Variants in C1QTNF3 observed in about 807,000 individuals in gnomAD.
C1QTNF3 encodes complement C1q tumor necrosis factor-related protein 3.
C1QTNF3 carries 26 observed loss-of-function variants against 32.6 expected under a neutral mutation model. That is an observed-to-expected ratio of 0.80 (90% CI 0.58 to 1.11). The LOEUF (loss-of-function observed/expected upper bound fraction) is 1.11. Ranked by LOEUF, C1QTNF3 falls within the 50% of genes least tolerant of loss-of-function variation. The pLI is 0.00. For missense variants in C1QTNF3, 362 were observed against 398.2 expected (o/e 0.91, Z 0.77); for synonymous variants, 155 against 146.0 (o/e 1.06, Z -0.44).
the C1QTNF3 span, among the ~76,000 whole-genome samples, chr5:34,163,991 A>G: frequency 1.3e-5 from 2 of 152,220 alleles, no homozygotes; most frequent in Non-Finnish European, 1.5e-5. Flanking sequence ...ATATAAAATA[A>G]TATCTACCAT....
chr5:34,196,860 C>T, the C1QTNF3 span, among the ~76,000 whole-genome samples: 1 of 152,300 alleles, frequency 6.6e-6, no homozygotes, highest in Non-Finnish European at 1.5e-5. Flanking sequence ...TGGGGTTTCA[C>T]CGTCTTAGTA....
At chr5:34,175,232 T>TG in the C1QTNF3 span, among the ~76,000 whole-genome samples, 1 of 151,526 alleles carries the variant, frequency 6.6e-6, no homozygotes, top group African/African-American at 2.4e-5. Flanking sequence ...TTTGTAGAGA[T>TG]GGGGGTCCTC....
chr5:34,230,979 C>T, the C1QTNF3 span, among the ~76,000 whole-genome samples: 6 of 152,040 alleles, frequency 3.9e-5, no homozygotes, highest in Non-Finnish European at 5.9e-5. Flanking sequence ...ACTATCTAAA[C>T]TATTATGCTC....
intron 1 of C1QTNF3, among the ~76,000 whole-genome samples, chr5:34,040,669 A>C (rs1359523731): frequency 6.6e-6 from 1 of 152,072 alleles, no homozygotes; most frequent in African/African-American, 2.4e-5. Flanking sequence ...GCAAAATCTA[A>C]GCTCCTAAAC....
chr5:34,163,740 G>A, the C1QTNF3 span, among the ~76,000 whole-genome samples: 5 of 152,024 alleles, frequency 3.3e-5, no homozygotes, highest in African/African-American at 1.2e-4. Context: ...ATTATTATAT[G>A]CATTCATTCT....
chr5:34,068,830 T>A, the C1QTNF3 span, among the ~76,000 whole-genome samples: 3 of 152,168 alleles, frequency 2.0e-5, no homozygotes, highest in African/African-American at 7.2e-5. Flanking sequence ...CTTGGCAACA[T>A]AGGTATGTCC....
the C1QTNF3 span, among the ~76,000 whole-genome samples, chr5:34,158,965 T>A: frequency 6.6e-6 from 1 of 151,956 alleles, no homozygotes; most frequent in East Asian, 1.9e-4. Flanking sequence ...CAAACAATCA[T>A]ATATATATAT....
chr5:34,122,727 T>G, the C1QTNF3 span, among the ~76,000 whole-genome samples: 1 of 151,748 alleles, frequency 6.6e-6, no homozygotes, highest in Non-Finnish European at 1.5e-5. Flanking sequence ...GTTGGATAAG[T>G]AGATTAGTAT....
the C1QTNF3 span, among the ~76,000 whole-genome samples, chr5:34,142,487 G>T: frequency 7.3e-5 from 11 of 151,640 alleles, no homozygotes; most frequent in South Asian, 2.3e-3. Flanking sequence ...AATGATGAGA[G>T]GAGCTCCCCC....
chr5:34,222,626 T>G, the C1QTNF3 span, among the ~76,000 whole-genome samples: 6 of 152,020 alleles, frequency 3.9e-5, no homozygotes, highest in Non-Finnish European at 8.8e-5. Flanking sequence ...TAGTAATTAC[T>G]TTACCCCTTA....
chr5:34,240,160 C>G, the C1QTNF3 span, among the ~76,000 whole-genome samples: 1 of 150,694 alleles, frequency 6.6e-6, no homozygotes, highest in East Asian at 2.0e-4. Context: ...CGTTTAAATG[C>G]CTTTATCATA....
chr5:34,027,366 CT>C (rs1323220151), intron 4 of C1QTNF3, among the ~76,000 whole-genome samples: 1 of 152,130 alleles, frequency 6.6e-6, no homozygotes, highest in Non-Finnish European at 1.5e-5. Flanking sequence ...ATTCCTAAAA[CT>C]TTAGCCTACA....
At chr5:34,174,752 T>TC in the C1QTNF3 span, among the ~76,000 whole-genome samples, 2 of 151,858 alleles carry the variant, frequency 1.3e-5, no homozygotes, top group East Asian at 3.9e-4. Context: ...TGAAGACCCT[T>TC]TTTTTTTGAG....
chr5:34,174,325 G>A, the C1QTNF3 span, among the ~76,000 whole-genome samples: 17 of 152,284 alleles, frequency 1.1e-4, no homozygotes, highest in Admixed American at 9.1e-4. Flanking sequence ...CCAAAGTGCT[G>A]GGATTACAGG....
chr5:34,074,112 A>G, the C1QTNF3 span, among the ~76,000 whole-genome samples: 4 of 152,232 alleles, frequency 2.6e-5, no homozygotes, highest in Non-Finnish European at 5.9e-5. Flanking sequence ...TTTCCTAATC[A>G]ATGTAATACT....
At chr5:34,197,762 A>G in the C1QTNF3 span, among the ~76,000 whole-genome samples, 38 of 152,084 alleles carry the variant, frequency 2.5e-4, no homozygotes, top group African/African-American at 7.7e-4. Context: ...AATACCATAG[A>G]CAGGGTAGCT....
At chr5:34,168,510 G>A in the C1QTNF3 span, 1 of 151,546 alleles carries the variant, frequency 6.6e-6, no homozygotes, top group African/African-American at 2.4e-5. Context: ...AAAAGGTTAG[G>A]TAAAATGAGT....
At chr5:34,147,012 G>C in the C1QTNF3 span, among the ~76,000 whole-genome samples, 1 of 152,072 alleles carries the variant, frequency 6.6e-6, no homozygotes, top group Non-Finnish European at 1.5e-5. Flanking sequence ...GACGTTAACA[G>C]ATACTTCTGA....
the C1QTNF3 span, among the ~76,000 whole-genome samples, chr5:34,080,564 C>G: frequency 1.3e-5 from 2 of 151,718 alleles, no homozygotes; most frequent in Admixed American, 1.3e-4. Context: ...CATCAAGGAG[C>G]TGTTAAAGAG....
Sources: allele counts gnomAD v4.1 joint callset (sites outside exome capture counted in the v4.1 genomes callset), GRCh38; gene constraint gnomAD v4.1.1; transcripts MANE v1.5; gene names NCBI Gene and HGNC (gene_info 2026-07-23, HGNC 2026-07-21).